ARHGEF38: variants seen among roughly 807,000 people sequenced by gnomAD.
ARHGEF38 encodes Rho guanine nucleotide exchange factor 38.
ARHGEF38 carries 79 observed loss-of-function variants against 79.9 expected under a neutral mutation model. The ratio of observed to expected loss-of-function variants is 0.99; its 90% confidence interval spans 0.82 to 1.19. The LOEUF is 1.19. Ranked by LOEUF, ARHGEF38 falls within the 50% of genes most tolerant of loss-of-function variation. ARHGEF38 has a pLI of 0.00. For missense variants in ARHGEF38, 962 were observed against 907.2 expected (o/e 1.06, Z -0.78); for synonymous variants, 366 against 328.3 (o/e 1.11, Z -1.24).
chr4:105,633,403 G>A (rs1194710200), intron 4 of ARHGEF38, among the ~76,000 whole-genome samples: 1 of 152,126 alleles, frequency 6.6e-6, no homozygotes, highest in Admixed American at 6.5e-5. Flanking sequence ...CAGGTTTATA[G>A]GCCAAAGAGA....
At position 105,552,715 on chromosome 4, in the gene ARHGEF38, C is replaced by T. The variant is rs752417042; in HGVS notation, c.-51C>T. The T allele has an allele frequency of 1.3e-6, 2 of 1,486,254 alleles. No individual in the cohort carries two copies. Among genetic ancestry groups the T allele is most frequent in the Admixed American group, 3.9e-5 (2 of 50,724 alleles). The allele number at this position is 1,486,254 out of a possible 1,614,324, so 92.1% of individuals were successfully genotyped here. ...AGCTTTAACCCTCACCCTGAGGCACCTTAGCAATCAGCCATTGCCTGCAAG... is the reference window on the plus strand; with the variant it reads ...AGCTTTAACCCTCACCCTGAGGCACTTTAGCAATCAGCCATTGCCTGCAAG... On this transcript the variant is annotated 5_prime_UTR_variant, in exon 1 of 14. Coordinates refer to ENST00000420470, the MANE Select transcript of ARHGEF38 (RefSeq NM_001242729.2).
At chr4:105,682,079 G>A (rs1731328230), downstream of ARHGEF38, among the ~76,000 whole-genome samples, 1 of 152,076 alleles carries the variant, frequency 6.6e-6, no homozygotes, top group South Asian at 2.1e-4. Flanking sequence ...TAGGAAAAGT[G>A]AGCAATGTGA....
intron 13 of ARHGEF38, among the ~76,000 whole-genome samples, chr4:105,676,972 T>C (rs1452566542): frequency 3.3e-5 from 5 of 151,514 alleles, no homozygotes; most frequent in Non-Finnish European, 7.4e-5. Context: ...GTTTTTTCTT[T>C]TTTTTTTTGG....
chr4:105,647,076 A>G (rs2110543423), intron 6 of ARHGEF38, among the ~76,000 whole-genome samples: 1 of 152,310 alleles, frequency 6.6e-6, no homozygotes, highest in South Asian at 2.1e-4. Context: ...AAGACTGGAA[A>G]CAAAGCAAAA....
Position 105,659,207 on chromosome 4 carries a change from A to G in ARHGEF38, c.1387A>G (p.Lys463Glu). ...AACGGGAGAGGAGTCAGACTTGGCC[A>G]AAAAGGAGTATGAGGCCCTCAACGC... ...RSTGEESDLA[K>E]KEYEALNAQL... The change falls in exon 10 of 14, where the codon AAA becomes GAA. Residue 463 changes from lysine to glutamate, a missense_variant. Coordinates refer to ENST00000420470, the MANE Select transcript of ARHGEF38 (RefSeq NM_001242729.2). 1 of 1,535,952 alleles carries G rather than the reference A, an allele frequency of 6.5e-7. No individual in the cohort carries two copies. The highest frequency in any genetic ancestry group is 1.2e-5 in the South Asian group (1 of 84,044).
At chr4:105,559,809 G>A (rs1725431293) in intron 1 of ARHGEF38, among the ~76,000 whole-genome samples, 1 of 152,056 alleles carries the variant, frequency 6.6e-6, no homozygotes, top group African/African-American at 2.4e-5. Flanking sequence ...ACTAGGTTGT[G>A]AAAGTAAGAG....
chr4:105,630,793 G>T, intron 3 of ARHGEF38, 105 bp from the exon 4 acceptor site: 2 of 962,258 alleles, frequency 2.1e-6, no homozygotes, highest in Non-Finnish European at 3.0e-6. Context: ...GGATAAAGTA[G>T]ATCCCATCCA....
Position 105,659,275 on chromosome 4 carries a change from GA to G in ARHGEF38, c.1457del (p.Lys486ArgfsTer4). On this transcript the variant is annotated frameshift_variant, in exon 10 of 14. Transcript: ENST00000420470. LOFTEE classifies it high-confidence loss of function. The stretch of plus-strand genomic sequence containing the variant: ...TCCAGGCATTCAACCAGGCTGCTCG[GA>G]AGATTCTGTTGAACTGTCTATGCAG... The part of the protein sequence containing the change: ...ELQAFNQAAR[K>X]ILLNCLCSFI... 6.5e-7 allele frequency: 1 copy of G among 1,536,066 alleles called. No individual in the cohort carries two copies. The highest frequency in any genetic ancestry group is 1.2e-5 in the South Asian group (1 of 84,050).
At chr4:105,586,908 C>G (rs776413767) in intron 1 of ARHGEF38, among the ~76,000 whole-genome samples, 1 of 150,866 alleles carries the variant, frequency 6.6e-6, no homozygotes, top group Non-Finnish European at 1.5e-5. Flanking sequence ...CAGTCTCCCC[C>G]ACCCCCACCC....
chr4:105,556,247 G>A (rs540472018), intron 1 of ARHGEF38, among the ~76,000 whole-genome samples: 1 of 152,258 alleles, frequency 6.6e-6, no homozygotes, highest in South Asian at 2.1e-4. Context: ...TGTGTCTTGA[G>A]GGTTACAATG....
chr4:105,618,396 G>A (rs993493214), intron 3 of ARHGEF38, among the ~76,000 whole-genome samples: 4 of 152,132 alleles, frequency 2.6e-5, no homozygotes, highest in African/African-American at 9.7e-5. Flanking sequence ...CCAGCACTTT[G>A]GGAGGCTGAT....
At chr4:105,603,803 G>A (rs1407505201) in intron 2 of ARHGEF38, among the ~76,000 whole-genome samples, 3 of 152,026 alleles carry the variant, frequency 2.0e-5, no homozygotes, top group Non-Finnish European at 4.4e-5. Context: ...CTTTCCTACT[G>A]CCACAGCTCC....
chr4:105,587,531 G>T (rs779518368), intron 1 of ARHGEF38, among the ~76,000 whole-genome samples: 13 of 152,084 alleles, frequency 8.5e-5, no homozygotes, highest in Non-Finnish European at 1.2e-4. Context: ...CACGATCTCG[G>T]CTCACTGCAA....
intron 1 of ARHGEF38, among the ~76,000 whole-genome samples, chr4:105,581,802 A>G (rs532096128): frequency 6.6e-6 from 1 of 152,178 alleles, no homozygotes; most frequent in South Asian, 2.1e-4. Context: ...TAATTATGCT[A>G]TCAATTTTAT....
intron 1 of ARHGEF38, among the ~76,000 whole-genome samples, chr4:105,559,765 T>C (rs1423536653): frequency 6.6e-6 from 1 of 152,110 alleles, no homozygotes; most frequent in Non-Finnish European, 1.5e-5. Flanking sequence ...GGTTTTTGAC[T>C]GTAATCTATT....
Position 105,648,447 on chromosome 4 carries a change from T to A in ARHGEF38, c.875-102T>A. 1.8e-6 allele frequency: 2 copies of A among 1,103,448 alleles called. 1 individual carries two copies. The highest frequency in any genetic ancestry group is 2.4e-6 in the Non-Finnish European group (2 of 816,534). The allele number at this position is 1,103,448 out of a possible 1,614,324, so 68.4% of individuals were successfully genotyped here. A position where few individuals can be genotyped will look rare whatever the true frequency, so the allele number is the denominator to read the frequency against. Reference sequence around the variant, plus strand: ...AGCAGAGGCTCAAAAATCATATACATATTTATCTTGAATATAAATACTCGT... The same window carrying A: ...AGCAGAGGCTCAAAAATCATATACAAATTTATCTTGAATATAAATACTCGT... On this transcript the variant is annotated intron_variant, in intron 6 of 13. Coordinates refer to ENST00000420470, the MANE Select transcript of ARHGEF38 (RefSeq NM_001242729.2).
At chr4:105,607,976 A>T (rs190831789) in intron 2 of ARHGEF38, among the ~76,000 whole-genome samples, 2 of 152,178 alleles carry the variant, frequency 1.3e-5, no homozygotes, top group East Asian at 3.9e-4. Flanking sequence ...TTTAAAAAAA[A>T]ATGCCATAAA....
chr4:105,613,712 T>C (rs1728399187), intron 3 of ARHGEF38, among the ~76,000 whole-genome samples: 1 of 152,154 alleles, frequency 6.6e-6, no homozygotes, highest in African/African-American at 2.4e-5. Context: ...AGTCCCTCAG[T>C]AGCACAAAAC....
At chr4:105,627,128 G>A (rs1446647925) in intron 3 of ARHGEF38, among the ~76,000 whole-genome samples, 2 of 152,086 alleles carry the variant, frequency 1.3e-5, no homozygotes, top group African/African-American at 4.8e-5. Context: ...GGAAGAGTTG[G>A]TTCTTTGTAT....
Sources: allele counts gnomAD v4.1 joint callset (sites outside exome capture counted in the v4.1 genomes callset), GRCh38; gene constraint gnomAD v4.1.1; transcripts MANE v1.5; gene names NCBI Gene and HGNC (gene_info 2026-07-23, HGNC 2026-07-21).